TMEM132C: variants seen among roughly 807,000 people sequenced by gnomAD.
TMEM132C encodes the protein protein phosphatase 1, regulatory subunit 152.
In TMEM132C, 29 loss-of-function variants were observed where a neutral mutation model predicts 61.4. That is an observed-to-expected ratio of 0.47 (90% CI 0.35 to 0.64). The LOEUF (loss-of-function observed/expected upper bound fraction) is 0.64, where lower values mean the gene tolerates loss of function less well. TMEM132C is among the 30% of genes least tolerant of loss of function. TMEM132C has a pLI of 0.00. For missense variants in TMEM132C, 1,408 were observed against 1,476.9 expected (o/e 0.95, Z 0.76); for synonymous variants, 656 against 633.1 (o/e 1.04, Z -0.54).
At chr12:128,438,837 C>T (rs1182946608) in intron 2 of TMEM132C, 2 of 152,188 alleles carry the variant, frequency 1.3e-5, no homozygotes, top group Non-Finnish European at 2.9e-5. Context: ...GCATTTCTCT[C>T]CACTTCATTT....
At chr12:128,699,107 G>A (rs1954785854) in intron 8 of TMEM132C, among the ~76,000 whole-genome samples, 3 of 125,758 alleles carry the variant, frequency 2.4e-5, no homozygotes, top group African/African-American at 9.6e-5. Context: ...GGCTGGGCTG[G>A]TGTTATAAGC....
chr12:128,692,058 A>G lies in TMEM132C; in HGVS notation c.1450-1771A>G, dbSNP rs532281509. On this transcript the variant is annotated intron_variant, in intron 5 of 8. Transcript: ENST00000435159. ...TATCCAGCTGTCTACCCATTTGTCC[A>G]CCACCCATTCACCTGTCCATCCATC... Among the ~76,000 whole-genome samples, 424 of 148,806 alleles carry G rather than the reference A, an allele frequency of 2.8e-3. 4 individuals are homozygous for G. Among genetic ancestry groups the G allele is most frequent in the African/African-American group, 0.011 (414 of 38,676 alleles).
At chr12:128,353,749 G>A (rs938443982) in intron 1 of TMEM132C, among the ~76,000 whole-genome samples, 1 of 152,082 alleles carries the variant, frequency 6.6e-6, no homozygotes, top group African/African-American at 2.4e-5. Context: ...TCAATCTCCC[G>A]GGTCCCACTT....
chr12:128,336,867 T>C (rs1872803422), intron 1 of TMEM132C, among the ~76,000 whole-genome samples: 1 of 152,212 alleles, frequency 6.6e-6, no homozygotes, highest in Admixed American at 6.5e-5. Context: ...AAGAGAGGCT[T>C]CCTGGAGGCA....
rs1413471643 is a variant in TMEM132C, at chr12:128,707,109, C to A, written c.*814C>A. On this transcript the variant is annotated 3_prime_UTR_variant, in exon 9 of 9. Coordinates refer to ENST00000435159, the MANE Select transcript of TMEM132C (RefSeq NM_001136103.3). ...CGGGTTTTGTACAATTGGAGGGAGCCCTCAGAGCCTTCTGGGGGAGGAGAG... is the reference window on the plus strand; with the variant it reads ...CGGGTTTTGTACAATTGGAGGGAGCACTCAGAGCCTTCTGGGGGAGGAGAG... 2.0e-5 allele frequency: 3 copies of A among 152,078 alleles called. No individual in the cohort carries two copies. Among genetic ancestry groups the A allele is most frequent in the Non-Finnish European group, 4.4e-5 (3 of 68,012 alleles). The allele number at this position is 152,078 out of a possible 1,614,324, so 9.4% of individuals were successfully genotyped here.
At chr12:128,296,833 ATATAC>A (rs1387983147) in intron 1 of TMEM132C, among the ~76,000 whole-genome samples, 3 of 152,202 alleles carry the variant, frequency 2.0e-5, no homozygotes, top group Non-Finnish European at 2.9e-5. Context: ...TCAGGGTTTG[ATATAC>A]TATAAGTGTT....
intron 1 of TMEM132C, among the ~76,000 whole-genome samples, chr12:128,348,252 T>C: frequency 6.6e-6 from 1 of 152,244 alleles, no homozygotes; most frequent in East Asian, 1.9e-4. Flanking sequence ...TTGTATCATA[T>C]AGAAATACCA....
intron 1 of TMEM132C, among the ~76,000 whole-genome samples, chr12:128,323,913 G>A (rs1166541948): frequency 6.6e-6 from 1 of 152,162 alleles, no homozygotes; most frequent in Non-Finnish European, 1.5e-5. Flanking sequence ...GGCAAGGAGG[G>A]GAAAGAGAGG....
intron 2 of TMEM132C, among the ~76,000 whole-genome samples, chr12:128,458,449 G>A (rs1343329565): frequency 2.0e-5 from 3 of 152,006 alleles, no homozygotes; most frequent in Non-Finnish European, 4.4e-5. Flanking sequence ...CCATCCAGCT[G>A]TGAGCAGTTT....
In TMEM132C at chr12:128,585,563, G is replaced by A. The variant is rs536353869; in HGVS notation, c.1122-30589G>A. 1.5e-4 allele frequency among the ~76,000 whole-genome samples: 23 copies of A among 152,382 alleles called. No homozygotes were observed. In the South Asian group the frequency reaches 4.6e-3, roughly 30 times the overall value. Reference sequence around the variant, plus strand: ...ACATCTATCATGGCATTGGGGAATGGTCAGATAAGTTCTGGGACTTCCCTT... The same window carrying A: ...ACATCTATCATGGCATTGGGGAATGATCAGATAAGTTCTGGGACTTCCCTT... On this transcript the variant is annotated intron_variant, in intron 3 of 8. Coordinates refer to ENST00000435159, the MANE Select transcript of TMEM132C (RefSeq NM_001136103.3).
chr12:128,473,212 A>T (rs1242102518), intron 2 of TMEM132C, among the ~76,000 whole-genome samples: 1 of 149,718 alleles, frequency 6.7e-6, no homozygotes, highest in Admixed American at 6.6e-5. Flanking sequence ...CTTCATCTTC[A>T]CTCCAGCCTC....
intron 4 of TMEM132C, among the ~76,000 whole-genome samples, chr12:128,649,048 G>C (rs1345416612): frequency 6.6e-6 from 1 of 151,878 alleles, no homozygotes; most frequent in East Asian, 1.9e-4. Flanking sequence ...GTGTTTATTG[G>C]AGTCCATCAG....
intron 1 of TMEM132C, among the ~76,000 whole-genome samples, chr12:128,319,135 C>T (rs1452511858): frequency 6.6e-6 from 1 of 152,158 alleles, no homozygotes; most frequent in African/African-American, 2.4e-5. Context: ...ACTCTCTGCT[C>T]GTCTTTGTAG....
chr12:128,654,105 T>C (rs12825072), intron 4 of TMEM132C, among the ~76,000 whole-genome samples: 22,898 of 152,282 alleles, frequency 0.15, 1,802 homozygotes, highest in Non-Finnish European at 0.16. Context: ...CCAAAAGATA[T>C]GCTGAAGTCC....
intron 2 of TMEM132C, among the ~76,000 whole-genome samples, chr12:128,460,857 G>C (rs915949054): frequency 1.1e-4 from 16 of 152,062 alleles, no homozygotes; most frequent in African/African-American, 3.9e-4. Flanking sequence ...CTGGGTGGGG[G>C]GAATGCTTGA....
At chr12:128,585,642 T>G (rs1875516764) in intron 3 of TMEM132C, among the ~76,000 whole-genome samples, 1 of 152,228 alleles carries the variant, frequency 6.6e-6, no homozygotes, top group African/African-American at 2.4e-5. Context: ...CCCAATGATC[T>G]GGAACATTCT....
intron 3 of TMEM132C, among the ~76,000 whole-genome samples, chr12:128,577,365 T>C (rs1875150905): frequency 6.6e-6 from 1 of 152,204 alleles, no homozygotes; most frequent in Non-Finnish European, 1.5e-5. Context: ...GGGAGAAAAA[T>C]TGGTACATTA....
intron 3 of TMEM132C, among the ~76,000 whole-genome samples, chr12:128,565,272 G>T (rs1874657355): frequency 6.6e-6 from 1 of 152,188 alleles, no homozygotes; most frequent in Admixed American, 6.5e-5. Context: ...CTCCAACTAT[G>T]CCTTCATATA....
At chr12:128,492,872 A>G (rs1593073079) in intron 2 of TMEM132C, among the ~76,000 whole-genome samples, 1 of 152,124 alleles carries the variant, frequency 6.6e-6, no homozygotes, top group East Asian at 1.9e-4. Context: ...CCATTTGTCA[A>G]TTTTGGCTTT....
Sources: allele counts gnomAD v4.1 joint callset (sites outside exome capture counted in the v4.1 genomes callset), GRCh38; gene constraint gnomAD v4.1.1; transcripts MANE v1.5; gene names NCBI Gene and HGNC (gene_info 2026-07-23, HGNC 2026-07-21).